OPA1: variants seen among roughly 807,000 people sequenced by gnomAD.
The protein encoded by OPA1 is OPA1 mitochondrial dynamin like GTPase, also known as dynamin-like GTPase OPA1, mitochondrial.
A neutral mutation model predicts 152.9 loss-of-function variants in OPA1; 59 were observed. The ratio of observed to expected loss-of-function variants is 0.39; its 90% confidence interval spans 0.31 to 0.48. The LOEUF (loss-of-function observed/expected upper bound fraction) is 0.48. Among genes scored for constraint, OPA1 ranks in the 20% least tolerant of loss-of-function variants. The probability of loss-of-function intolerance (pLI) is 0.96; values close to 1 mark genes in which losing one functional copy is unlikely to be tolerated. For missense variants in OPA1, 1,008 were observed against 1,216.8 expected, an observed-to-expected ratio of 0.83 and a Z score of 2.55; for synonymous variants, 400 against 389.9, an observed-to-expected ratio of 1.03 and a Z score of -0.31.
intron 21 of OPA1, among the ~76,000 whole-genome samples, chr3:193,649,119 A>G (rs1351362623): frequency 6.6e-6 from 1 of 152,124 alleles, no homozygotes; most frequent in African/African-American, 2.4e-5. Context: ...ATACGTAATC[A>G]TGATTTCTGT....
chr3:193,644,182 AAAC>A (rs985610911), intron 16 of OPA1, 77 bp downstream of exon 16: 60 of 1,514,928 alleles, frequency 4.0e-5, no homozygotes, highest in East Asian at 6.8e-5. Flanking sequence ...TTATTTAAAA[AAAC>A]AACAACAACA....
chr3:193,663,275 T>C (rs1416340000), intron 26 of OPA1, among the ~76,000 whole-genome samples: 1 of 152,162 alleles, frequency 6.6e-6, no homozygotes, highest in Non-Finnish European at 1.5e-5. Context: ...TCACGCTGTT[T>C]CAGATTGCAA....
At chr3:193,660,256 C>T (rs952941720) in intron 25 of OPA1, among the ~76,000 whole-genome samples, 3 of 152,074 alleles carry the variant, frequency 2.0e-5, no homozygotes, top group Non-Finnish European at 4.4e-5. Flanking sequence ...CATTCCTTTC[C>T]GATTCTTATA....
Position 193,694,854 on chromosome 3 carries a change from C to T in OPA1, c.*254C>T, listed in dbSNP as rs1362515744. On this transcript the variant is annotated 3_prime_UTR_variant, in exon 31 of 31. Coordinates refer to ENST00000361510, the MANE Select transcript of OPA1 (RefSeq NM_130837.3). The stretch of plus-strand genomic sequence containing the variant: ...AATCGGAATAATATAATTGGTATGG[C>T]CATTAGGTTCAGTCCTTGAAGATAA... The T allele has an allele frequency of 3.3e-5, 5 of 152,090 alleles. No individual in the cohort carries two copies. The allele number at this position is 152,090 out of a possible 1,614,324, so 9.4% of individuals were successfully genotyped here.
intron 29 of OPA1, among the ~76,000 whole-genome samples, chr3:193,678,683 T>G (rs1425984400): frequency 6.6e-6 from 1 of 152,240 alleles, no homozygotes; most frequent in East Asian, 1.9e-4. Context: ...TTTATATAGT[T>G]CAAGTATTCT....
intron 1 of OPA1, among the ~76,000 whole-genome samples, chr3:193,595,579 A>T (rs1041731009): frequency 6.6e-6 from 1 of 152,008 alleles, no homozygotes; most frequent in Non-Finnish European, 1.5e-5. Flanking sequence ...TGACAATCTG[A>T]TTTTTTCATC....
At chr3:193,682,829 C>G (rs1039629704) in intron 29 of OPA1, among the ~76,000 whole-genome samples, 5 of 152,258 alleles carry the variant, frequency 3.3e-5, no homozygotes, top group Admixed American at 2.0e-4. Context: ...GGGAGATGTA[C>G]AAGGAGATTT....
intron 19 of OPA1, 90 bp downstream of exon 19, chr3:193,647,270 T>G: frequency 1.3e-6 from 1 of 795,728 alleles, no homozygotes; most frequent in South Asian, 1.5e-5. Flanking sequence ...ACTTCTTTCC[T>G]TTAACAGTTG....
At position 193,631,624 on chromosome 3, in the gene OPA1, G is replaced by C; in HGVS notation, c.802G>C (p.Glu268Gln). The C allele has an allele frequency of 1.9e-6, 3 of 1,610,986 alleles. No homozygotes were observed. Among genetic ancestry groups the C allele is most frequent in the Non-Finnish European group, 1.7e-6 (2 of 1,177,478 alleles). Residue 268 changes from glutamate to glutamine, a missense_variant, in exon 8 of 31, where the codon GAG (glutamate) becomes CAG (glutamine). This residue lies in a region of OPA1 where 408 missense variants were observed against 395.1 expected (regional missense o/e 1.03). Coordinates refer to ENST00000361510, the MANE Select transcript of OPA1 (RefSeq NM_130837.3). ...AQQKRKVSDK[E>Q]KIDQLQEELL... ...TTTAAACATTTAGGTGTCAGACAAA[G>C]AGAAAATTGACCAACTTCAGGAAGA...
chr3:193,682,482 T>A (rs1265034096), intron 29 of OPA1, among the ~76,000 whole-genome samples: 1 of 152,222 alleles, frequency 6.6e-6, no homozygotes, highest in Non-Finnish European at 1.5e-5. Context: ...TGGAAGACGA[T>A]GCCATCTAGT....
At chr3:193,644,469 T>C (rs1292050082) in intron 16 of OPA1, among the ~76,000 whole-genome samples, 3 of 152,230 alleles carry the variant, frequency 2.0e-5, no homozygotes, top group African/African-American at 7.2e-5. Context: ...GCATATGTTA[T>C]AATTAAACCA....
intron 8 of OPA1, among the ~76,000 whole-genome samples, chr3:193,633,280 A>G (rs1249863260): frequency 6.6e-6 from 1 of 152,202 alleles, no homozygotes; most frequent in Non-Finnish European, 1.5e-5. Flanking sequence ...CTGTTTTTAA[A>G]TGCCCTCAAG....
At chr3:193,645,405 G>A in intron 16 of OPA1, 148 bp from the exon 17 acceptor site, 1 of 607,950 alleles carries the variant, frequency 1.6e-6, no homozygotes, top group Admixed American at 3.1e-5. Context: ...TTTTCAAATA[G>A]CAATGGAAAA....
At chr3:193,658,483 T>G (rs1714456237) in intron 23 of OPA1, among the ~76,000 whole-genome samples, 1 of 152,168 alleles carries the variant, frequency 6.6e-6, no homozygotes, top group African/African-American at 2.4e-5. Context: ...TTTTTTCTCC[T>G]CATTTTTGAA....
chr3:193,689,162 T>C (rs1451535230), intron 29 of OPA1: 1 of 152,084 alleles, frequency 6.6e-6, no homozygotes, highest in Non-Finnish European at 1.5e-5. Context: ...CCAGGAATGC[T>C]TCTCAAAGGT....
At chr3:193,656,392 AAGCCCAC>A (rs1390825772) in intron 22 of OPA1, among the ~76,000 whole-genome samples, 1 of 152,180 alleles carries the variant, frequency 6.6e-6, no homozygotes, top group African/African-American at 2.4e-5. Context: ...CAGCATTAAA[AAGCCCAC>A]ATAGTTATAA....
rs562195946 is a variant in OPA1 at position 193,603,533 on chromosome 3, A to G, written c.32+10124A>G. On this transcript the variant is annotated intron_variant, in intron 1 of 30. Transcript: ENST00000361510. ...AAAGGAGCTCATCTGTTTGGAGTCC[A>G]TTTTTGATGGGGATCCCACTAGAGG... is the stretch of plus-strand genomic sequence containing the variant. The G allele has an allele frequency of 7.9e-5, 12 of 152,348 alleles. No homozygotes were observed. The East Asian group carries it at 2.1e-3, about 27-fold the overall frequency. 9.4% of individuals were successfully genotyped at this position (152,348 alleles called of 1,614,324 possible).
In OPA1 at chr3:193,683,273, CTTTTTTT is replaced by C. The variant is rs35730104; in HGVS notation, c.2984-8782_2984-8776del. 7.0e-4 allele frequency among the ~76,000 whole-genome samples: 99 copies of C among 140,708 alleles called. 4 individuals carry two copies. The highest frequency in any genetic ancestry group is 7.1e-4 in the Admixed American group (10 of 14,098). 92.3% of individuals were successfully genotyped at this position (140,708 alleles called of 152,430 possible). A position where few individuals can be genotyped will look rare whatever the true frequency, so the allele number is the denominator to read the frequency against. ...AAGCAAAGAAAGTGGTTTCTTTTTT[CTTTTTTT>C]TTTTTTTGGCAGTCTCAGTTTGAAG... is the stretch of plus-strand genomic sequence containing the variant. On this transcript the variant is annotated intron_variant, in intron 29 of 30. Coordinates refer to ENST00000361510, the MANE Select transcript of OPA1 (RefSeq NM_130837.3).
At chr3:193,618,673 T>G in intron 5 of OPA1, 196 bp from the exon 6 acceptor site, 1 of 566,348 alleles carries the variant, frequency 1.8e-6, no homozygotes, top group South Asian at 2.1e-5. Flanking sequence ...GCGATTGCTA[T>G]AGTTAGTTTT....
Sources: gnomAD v4.1 joint callset for allele counts (sites outside exome capture counted in the v4.1 genomes callset) on GRCh38, gnomAD v4.1.1 for gene constraint, gnomAD v4.1.1 regional missense constraint, MANE v1.5 for transcripts, NCBI Gene and HGNC (gene_info 2026-07-23, HGNC 2026-07-21) for gene names.